Variants in GLB1L3 observed in about 807,000 individuals in gnomAD.
GLB1L3 encodes galactosidase beta 1 like 3.
GLB1L3 carries 89 observed loss-of-function variants against 89.5 expected under a neutral mutation model. The observed-to-expected ratio is 0.99, with a 90% CI of 0.84 to 1.19. The LOEUF (loss-of-function observed/expected upper bound fraction) is 1.19, where lower values mean the gene tolerates loss of function less well. Ranked by LOEUF, GLB1L3 falls within the 50% of genes most tolerant of loss-of-function variation. The pLI, the probability that GLB1L3 is intolerant of heterozygous loss-of-function variation, is 0.00. For synonymous variants in GLB1L3, 314 were observed against 312.3 expected (o/e 1.01, Z -0.06); for missense variants, 812 against 813.3 (o/e 1.00, Z 0.02).
chr11:134,301,413 T>C (rs1405200826), intron 9 of GLB1L3, among the ~76,000 whole-genome samples: 1 of 152,224 alleles, frequency 6.6e-6, no homozygotes, highest in Non-Finnish European at 1.5e-5. Flanking sequence ...TAAAATATAA[T>C]GGCATATAAT....
chr11:134,287,837 CTG>C (rs1243846163), intron 6 of GLB1L3, among the ~76,000 whole-genome samples: 5 of 152,182 alleles, frequency 3.3e-5, no homozygotes, highest in Admixed American at 6.5e-5. Context: ...AGAGGGGAAC[CTG>C]CAAAGGAAAA....
rs1370763813 is a variant in GLB1L3 at position 134,296,498 on chromosome 11, A to T, written c.876+3289A>T. 1.9e-3 allele frequency among the ~76,000 whole-genome samples: 263 copies of T among 135,952 alleles called. 1 individual carries two copies. Among genetic ancestry groups the T allele is most frequent in the Non-Finnish European group, 3.4e-3 (217 of 63,456 alleles). 89.2% of individuals were successfully genotyped at this position (135,952 alleles called of 152,430 possible). On this transcript the variant is annotated intron_variant, in intron 9 of 19. Coordinates refer to ENST00000431683, the MANE Select transcript of GLB1L3 (RefSeq NM_001080407.3). Reference sequence around the variant, plus strand: ...AAAATGTGGCACATATACACCATGGAATACTATGCAGCCATAAAAAATGAT... The same window carrying T: ...AAAATGTGGCACATATACACCATGGTATACTATGCAGCCATAAAAAATGAT...
rs991087511 is a variant in GLB1L3, at chr11:134,319,193, A to G, written c.*251A>G. 3 of 421,612 alleles carry G rather than the reference A, an allele frequency of 7.1e-6. No individual in the cohort carries two copies. Among genetic ancestry groups the G allele is most frequent in the African/African-American group, 4.0e-5 (2 of 49,474 alleles). The allele number at this position is 421,612 out of a possible 1,614,324, so 26.1% of individuals were successfully genotyped here. On this transcript the variant is annotated 3_prime_UTR_variant, in exon 20 of 20. Coordinates refer to ENST00000431683, the MANE Select transcript of GLB1L3 (RefSeq NM_001080407.3). Reference sequence around the variant, plus strand: ...ATGGTCCCAATCTCCTGACCTTGTGATCTGCTCTCCTCAGCCTCCCAAAGT... The same window carrying G: ...ATGGTCCCAATCTCCTGACCTTGTGGTCTGCTCTCCTCAGCCTCCCAAAGT...
chr11:134,305,423 T>C (rs757288752), intron 9 of GLB1L3: 20 of 353,140 alleles, frequency 5.7e-5, no homozygotes, highest in Non-Finnish European at 9.6e-5. Context: ...CCTTCAATGC[T>C]TTTGCGCTTC....
Position 134,314,499 on chromosome 11 carries a change from T to C in GLB1L3, c.1779+58T>C, listed in dbSNP as rs765687822. ...AAACACCAATTTTATTTTTAAAGAG[T>C]CCTGAAGCAAAGCCAGCGTTCCTGG... On this transcript the variant is annotated intron_variant, in intron 18 of 19. Coordinates refer to ENST00000431683, the MANE Select transcript of GLB1L3 (RefSeq NM_001080407.3). The C allele has an allele frequency of 6.3e-6, 7 of 1,119,882 alleles. No individual in the cohort carries two copies. The East Asian group carries it at 1.5e-4, about 25-fold the overall frequency. The allele number at this position is 1,119,882 out of a possible 1,614,324, so 69.4% of individuals were successfully genotyped here.
chr11:134,276,380 TC>T lies in GLB1L3; in HGVS notation c.-358del. 4.3e-6 allele frequency: 1 copy of T among 231,626 alleles called. No individual in the cohort carries two copies. The highest frequency in any genetic ancestry group is 8.4e-5 in the East Asian group (1 of 11,860). The allele number at this position is 231,626 out of a possible 1,614,324, so 14.3% of individuals were successfully genotyped here. A position where few individuals can be genotyped will look rare whatever the true frequency, so the allele number is the denominator to read the frequency against. On this transcript the variant is annotated 5_prime_UTR_variant, in exon 1 of 20. Transcript: ENST00000431683. ...TCTCCGCCCCTCTCCCGCGCAGGCCTCCCTGTGCCAGCCGGCTGTCGACCCA... is the reference window on the plus strand; with the variant it reads ...TCTCCGCCCCTCTCCCGCGCAGGCCTCCTGTGCCAGCCGGCTGTCGACCCA...
At chr11:134,277,496 C>T (rs773634038) in intron 2 of GLB1L3, 45 bp downstream of exon 2, 1 of 1,602,006 alleles carries the variant, frequency 6.2e-7, no homozygotes, top group Non-Finnish European at 8.5e-7. Context: ...GGAGCGATCT[C>T]TCCTTTCTTG....
chr11:134,319,996 G>T (rs999613995), downstream of GLB1L3, among the ~76,000 whole-genome samples: 5 of 152,034 alleles, frequency 3.3e-5, no homozygotes, highest in Non-Finnish European at 7.4e-5. Context: ...CTGATAGTGG[G>T]TAGGCATTAG....
At chr11:134,323,376 TGCGCACACACACACACACGTACACACAC>T (rs1565428240), downstream of GLB1L3, among the ~76,000 whole-genome samples, 2 of 106,072 alleles carry the variant, frequency 1.9e-5, no homozygotes, top group Non-Finnish European at 3.9e-5. Context: ...CACACATGCG[TGCGCACACACACACACACGTACACACAC>T]ACACACACAC....
At chr11:134,306,378 T>C (rs750393889) in intron 9 of GLB1L3, among the ~76,000 whole-genome samples, 10 of 152,228 alleles carry the variant, frequency 6.6e-5, no homozygotes, top group Non-Finnish European at 1.5e-4. Context: ...TTTCCACTCA[T>C]CTTTTCTATG....
chr11:134,297,655 GTTTGAGACCAGCCTGACCAAC>G (rs1397278933), intron 9 of GLB1L3, among the ~76,000 whole-genome samples: 3 of 151,966 alleles, frequency 2.0e-5, no homozygotes, highest in Non-Finnish European at 4.4e-5. Flanking sequence ...GAGGTCAGGA[GTTTGAGACCAGCCTGACCAAC>G]ATGGTGACAC....
rs1291732346 is a variant in GLB1L3, at chr11:134,304,966, C to G, written c.877-2158C>G. 2.4e-5 allele frequency: 14 copies of G among 579,806 alleles called. 1 individual carries two copies. In the South Asian group the frequency reaches 2.4e-4, roughly 10 times the overall value. The allele number at this position is 579,806 out of a possible 1,614,324, so 35.9% of individuals were successfully genotyped here. Reference sequence around the variant, plus strand: ...ATGAGTTCTTATTGGCTCAAGGACTCAAGAGAAGTTGCTGTGAGAGCCCGC... The same window carrying G: ...ATGAGTTCTTATTGGCTCAAGGACTGAAGAGAAGTTGCTGTGAGAGCCCGC... On this transcript the variant is annotated intron_variant, in intron 9 of 19. Coordinates refer to ENST00000431683, the MANE Select transcript of GLB1L3 (RefSeq NM_001080407.3).
intron 10 of GLB1L3, among the ~76,000 whole-genome samples, chr11:134,308,594 A>T (rs1178466974): frequency 6.9e-6 from 1 of 145,594 alleles, no homozygotes; most frequent in Non-Finnish European, 1.5e-5. Context: ...CATCATCACC[A>T]TCACCTCCAC....
chr11:134,312,684 A>T, intron 14 of GLB1L3, 132 bp from the exon 15 acceptor site: 1 of 957,402 alleles, frequency 1.0e-6, no homozygotes, highest in Non-Finnish European at 1.6e-6. Flanking sequence ...GCCTCCAGGC[A>T]GCTTCATGCC....
At chr11:134,292,629 G>A (rs1456182650) in intron 8 of GLB1L3, 1 of 211,274 alleles carries the variant, frequency 4.7e-6, no homozygotes, top group East Asian at 1.2e-4. Flanking sequence ...CCATTCCTGG[G>A]ATCCTACCGC....
chr11:134,308,742 T>C (rs1469885051), intron 10 of GLB1L3, among the ~76,000 whole-genome samples: 1 of 152,016 alleles, frequency 6.6e-6, no homozygotes, highest in East Asian at 1.9e-4. Flanking sequence ...TGTGCCTTTT[T>C]TCCACATATA....
In GLB1L3 at chr11:134,283,880, T is replaced by C. The variant is rs781600901; in HGVS notation, c.636+35T>C. ...AATTGTCCCCTGCATCTTTCTTACGTGCCCTTTAGGGAAAGAGTTTGTTCT... is the reference window on the plus strand; with the variant it reads ...AATTGTCCCCTGCATCTTTCTTACGCGCCCTTTAGGGAAAGAGTTTGTTCT... On this transcript the variant is annotated intron_variant, in intron 6 of 19. Coordinates refer to ENST00000431683, the MANE Select transcript of GLB1L3 (RefSeq NM_001080407.3). 6 of 1,243,664 alleles carry C rather than the reference T, an allele frequency of 4.8e-6. No individual in the cohort carries two copies. In the South Asian group the frequency reaches 5.0e-5, roughly 10 times the overall value. The allele number at this position is 1,243,664 out of a possible 1,614,324, so 77.0% of individuals were successfully genotyped here. A position where few individuals can be genotyped will look rare whatever the true frequency, so the allele number is the denominator to read the frequency against.
chr11:134,300,363 T>C (rs1176984071), intron 9 of GLB1L3, among the ~76,000 whole-genome samples: 22 of 150,382 alleles, frequency 1.5e-4, no homozygotes, highest in African/African-American at 2.5e-5. Flanking sequence ...GACATAGTCT[T>C]GCTCTGTCGC....
chr11:134,301,504 T>A (rs1478705528), intron 9 of GLB1L3, among the ~76,000 whole-genome samples: 1 of 152,228 alleles, frequency 6.6e-6, no homozygotes, highest in East Asian at 1.9e-4. Context: ...TAATTATTGA[T>A]TCGTTTTTAC....
Sources: allele counts gnomAD v4.1 joint callset (sites outside exome capture counted in the v4.1 genomes callset), GRCh38; gene constraint gnomAD v4.1.1; transcripts MANE v1.5; gene names NCBI Gene and HGNC (gene_info 2026-07-23, HGNC 2026-07-21).